The following GLRB variants were observed in gnomAD, a reference collection of about 807,000 sequenced individuals.
GLRB encodes glycine receptor beta.
GLRB carries 33 observed loss-of-function variants against 54.2 expected under a neutral mutation model. The ratio of observed to expected loss-of-function variants is 0.61; its 90% CI spans 0.46 to 0.81. The LOEUF (loss-of-function observed/expected upper bound fraction) is 0.81. Ranked by LOEUF, GLRB falls within the 40% of genes least tolerant of loss-of-function variation. GLRB has a pLI of 0.00. For synonymous variants in GLRB, 209 were observed against 208.2 expected, an observed-to-expected ratio of 1.00 and a Z score of -0.03; for missense variants, 572 against 584.6, an observed-to-expected ratio of 0.98 and a Z score of 0.22.
chr4:157,092,460 C>A (rs1024796867), intron 2 of GLRB, among the ~76,000 whole-genome samples: 1 of 152,264 alleles, frequency 6.6e-6, no homozygotes, highest in South Asian at 2.1e-4. Flanking sequence ...TTAAAGAGTT[C>A]AAAGTGGTTT....
intron 9 of GLRB, among the ~76,000 whole-genome samples, chr4:157,153,622 G>A (rs1156626232): frequency 1.3e-5 from 2 of 152,128 alleles, no homozygotes; most frequent in Non-Finnish European, 2.9e-5. Flanking sequence ...ACCCTGCCTT[G>A]TCAATTAATT....
intron 9 of GLRB, 140 bp downstream of exon 9, chr4:157,153,150 C>A: frequency 1.3e-6 from 1 of 792,692 alleles, no homozygotes; most frequent in Non-Finnish European, 2.1e-6. Context: ...ACAAACTGAG[C>A]ACAACACAAT....
chr4:157,155,423 T>C (rs1307616463), intron 9 of GLRB, among the ~76,000 whole-genome samples: 1 of 152,198 alleles, frequency 6.6e-6, no homozygotes, highest in Non-Finnish European at 1.5e-5. Context: ...TGAACCACCA[T>C]GCCTTTTCGG....
chr4:157,090,794 A>G (rs958933001), intron 2 of GLRB, among the ~76,000 whole-genome samples: 1 of 152,202 alleles, frequency 6.6e-6, no homozygotes, highest in Non-Finnish European at 1.5e-5. Flanking sequence ...CATCAAAAAA[A>G]TCATATCTAT....
chr4:157,117,943 T>C (rs1735665132), intron 2 of GLRB, among the ~76,000 whole-genome samples: 1 of 151,676 alleles, frequency 6.6e-6, no homozygotes, highest in Non-Finnish European at 1.5e-5. Context: ...TAAGGTTGCA[T>C]GGTTGATGCA....
At chr4:157,083,647 C>G (rs1416118154) in intron 2 of GLRB, among the ~76,000 whole-genome samples, 1 of 151,862 alleles carries the variant, frequency 6.6e-6, no homozygotes, top group Non-Finnish European at 1.5e-5. Flanking sequence ...GCAAAGTAAC[C>G]CACAGAGAAT....
chr4:157,082,104 T>A (rs1300202485), intron 2 of GLRB, among the ~76,000 whole-genome samples: 1 of 152,158 alleles, frequency 6.6e-6, no homozygotes, highest in African/African-American at 2.4e-5. Context: ...TGGCTGTAAC[T>A]ACCACTTACT....
chr4:157,108,158 A>T (rs1735290470), intron 2 of GLRB, among the ~76,000 whole-genome samples: 1 of 152,098 alleles, frequency 6.6e-6, no homozygotes, highest in Admixed American at 6.6e-5. Context: ...TCTGACGGAG[A>T]TGTATTATAC....
intron 2 of GLRB, among the ~76,000 whole-genome samples, chr4:157,079,071 G>T (rs991544355): frequency 6.6e-6 from 1 of 152,120 alleles, no homozygotes; most frequent in African/African-American, 2.4e-5. Flanking sequence ...ACCGCACCTG[G>T]CCAAGTCTTT....
At chr4:157,106,814 T>A (rs1579203215) in intron 2 of GLRB, among the ~76,000 whole-genome samples, 1 of 152,196 alleles carries the variant, frequency 6.6e-6, no homozygotes, top group Non-Finnish European at 1.5e-5. Flanking sequence ...TAGCCTATCC[T>A]AAGACTTCTC....
chr4:157,094,913 G>A (rs749067607), intron 2 of GLRB, among the ~76,000 whole-genome samples: 9 of 152,118 alleles, frequency 5.9e-5, no homozygotes, highest in Non-Finnish European at 8.8e-5. Context: ...GTACAAGAAT[G>A]TTTACAGAAG....
rs1202811548 is a variant in GLRB, at chr4:157,171,481, T to C, written c.*753T>C. The C allele has an allele frequency of 6.6e-6, 1 of 152,320 alleles. No individual in the cohort carries two copies. The highest frequency in any genetic ancestry group is 2.1e-4 in the South Asian group (1 of 4,830). 9.4% of individuals were successfully genotyped at this position (152,320 alleles called of 1,614,324 possible). On this transcript the variant is annotated 3_prime_UTR_variant, in exon 10 of 10. Coordinates refer to ENST00000264428, the MANE Select transcript of GLRB (RefSeq NM_000824.5). ...TAATCCACCTTAAAACCTAAATGTA[T>C]TTTCATGGATTTCATTTGTTGGTAC...
intron 2 of GLRB, among the ~76,000 whole-genome samples, chr4:157,118,560 G>T (rs755115417): frequency 5.9e-5 from 9 of 151,546 alleles, no homozygotes; most frequent in Non-Finnish European, 1.2e-4. Flanking sequence ...TATGATCTAT[G>T]CACTTTTGGG....
At position 157,094,689 on chromosome 4, in the gene GLRB, A is replaced by C. The variant is rs973603416; in HGVS notation, c.122+16543A>C. 2.6e-5 allele frequency among the ~76,000 whole-genome samples: 4 copies of C among 152,212 alleles called. No homozygotes were observed. In the South Asian group the frequency reaches 8.3e-4, roughly 31 times the overall value. On this transcript the variant is annotated intron_variant, in intron 2 of 9. Transcript: ENST00000264428. ...AAATCATGATGGTATACCAATACACACCCACCAGAATGGCTAAATGAAAGA... is the reference window on the plus strand; with the variant it reads ...AAATCATGATGGTATACCAATACACCCCCACCAGAATGGCTAAATGAAAGA...
chr4:157,127,594 G>C (rs1736061096), intron 4 of GLRB, among the ~76,000 whole-genome samples: 1 of 151,792 alleles, frequency 6.6e-6, no homozygotes, highest in African/African-American at 2.4e-5. Flanking sequence ...TTGGAGATCG[G>C]GGGAGAGTAT....
chr4:157,164,141 A>G (rs1026563389), intron 9 of GLRB, among the ~76,000 whole-genome samples: 1 of 150,758 alleles, frequency 6.6e-6, no homozygotes, highest in Admixed American at 6.6e-5. Flanking sequence ...TCCCTTTACC[A>G]GTATTTTTTT....
intron 4 of GLRB, chr4:157,136,256 A>G: frequency 1.8e-6 from 1 of 545,186 alleles, no homozygotes; most frequent in South Asian, 2.3e-5. Context: ...GTGCTACGGA[A>G]TGTCTGCAGA....
chr4:157,128,236 A>T (rs1237319536), intron 4 of GLRB, among the ~76,000 whole-genome samples: 1 of 151,760 alleles, frequency 6.6e-6, no homozygotes, highest in Non-Finnish European at 1.5e-5. Context: ...TTTGTGTCAA[A>T]GTTACCTTTT....
chr4:157,087,201 C>T (rs1734442912), intron 2 of GLRB, among the ~76,000 whole-genome samples: 1 of 152,050 alleles, frequency 6.6e-6, no homozygotes, highest in African/African-American at 2.4e-5. Context: ...TTCACTGGGA[C>T]TGTATTTAGA....
Sources: gnomAD v4.1 joint callset for allele counts (sites outside exome capture counted in the v4.1 genomes callset) on GRCh38, gnomAD v4.1.1 for gene constraint, MANE v1.5 for transcripts, NCBI Gene and HGNC (gene_info 2026-07-23, HGNC 2026-07-21) for gene names.